The following RPS6KC1 variants were observed in gnomAD, a reference collection of about 807,000 sequenced individuals.
RPS6KC1 encodes the protein inactive ribosomal protein S6 kinase delta-1.
Under a neutral mutation model 103.8 loss-of-function variants are expected in RPS6KC1, and 54 were observed. The ratio of observed to expected loss-of-function variants is 0.52; its 90% CI spans 0.42 to 0.65. RPS6KC1 has a LOEUF of 0.65. Among genes scored for constraint, RPS6KC1 ranks in the 30% least tolerant of loss-of-function variants. The pLI is 0.00. For missense variants in RPS6KC1, 1,151 were observed against 1,253.8 expected (o/e 0.92, Z 1.24); for synonymous variants, 439 against 438.7 (o/e 1.00, Z -0.01).
intron 6 of RPS6KC1, among the ~76,000 whole-genome samples, chr1:213,146,877 G>T (rs2147836268): frequency 6.6e-6 from 1 of 151,176 alleles, no homozygotes; most frequent in Middle Eastern, 3.4e-3. Context: ...CCCGTCTTTT[G>T]GATATAAGCC....
At chr1:213,208,081 G>A (rs141249069) in intron 8 of RPS6KC1, among the ~76,000 whole-genome samples, 61 of 152,246 alleles carry the variant, frequency 4.0e-4, no homozygotes, top group Non-Finnish European at 6.9e-4. Context: ...GCTCTTGTAT[G>A]TTACTTTTTC....
chr1:213,212,030 C>A (rs1268467996), intron 8 of RPS6KC1, among the ~76,000 whole-genome samples: 4 of 152,124 alleles, frequency 2.6e-5, no homozygotes, highest in African/African-American at 9.7e-5. Context: ...TTGTCAACAA[C>A]CCCCACCAGA....
chr1:213,594,278 A>G, the RPS6KC1 span, among the ~76,000 whole-genome samples: 280 of 152,352 alleles, frequency 1.8e-3, no homozygotes, highest in Non-Finnish European at 3.2e-3. Flanking sequence ...GAGATATGCT[A>G]TGTCTGTAAA....
chr1:213,136,934 T>TC (rs2086335325), intron 6 of RPS6KC1, among the ~76,000 whole-genome samples: 1 of 152,186 alleles, frequency 6.6e-6, no homozygotes, highest in South Asian at 2.1e-4. Context: ...TCTCAGGCAG[T>TC]CCTCCTGCCT....
At chr1:213,566,475 T>G in the RPS6KC1 span, among the ~76,000 whole-genome samples, 1 of 83,982 alleles carries the variant, frequency 1.2e-5, no homozygotes, top group South Asian at 4.2e-4. Context: ...TTTTTTTTTT[T>G]TTTTTTTTTT....
In RPS6KC1 at chr1:213,165,085, T is replaced by A. The variant is rs543996142; in HGVS notation, c.836-2773T>A. On this transcript the variant is annotated intron_variant, in intron 6 of 14. Transcript: ENST00000366960. ...AATATCCTGGAAATCTATAGAGTCA[T>A]CTTTTTTTTTTTCTGGTACTGACAA... 7.9e-5 allele frequency among the ~76,000 whole-genome samples: 12 copies of A among 152,134 alleles called. No homozygotes were observed. The South Asian group carries it at 2.1e-3, about 26-fold the overall frequency.
At chr1:213,784,975 TA>T in the RPS6KC1 span, among the ~76,000 whole-genome samples, 10 of 151,100 alleles carry the variant, frequency 6.6e-5, no homozygotes, top group South Asian at 2.1e-4. Context: ...TTTTCAGAAG[TA>T]AAAAAAAATG....
chr1:213,596,235 C>T, the RPS6KC1 span, among the ~76,000 whole-genome samples: 26 of 152,274 alleles, frequency 1.7e-4, 1 homozygote, highest in East Asian at 4.6e-3. Flanking sequence ...TTTTCTGTCC[C>T]TCTTTGGTCA....
intron 8 of RPS6KC1, among the ~76,000 whole-genome samples, chr1:213,228,004 A>G (rs2093999169): frequency 6.6e-6 from 1 of 152,190 alleles, no homozygotes; most frequent in African/African-American, 2.4e-5. Context: ...GGGTATGAAC[A>G]TCTTTGGGGC....
the RPS6KC1 span, among the ~76,000 whole-genome samples, chr1:213,672,832 C>T: frequency 0.34 from 52,388 of 152,034 alleles, 9,461 homozygotes; most frequent in East Asian, 0.57. Context: ...GTCATCTCAT[C>T]CCTGTACGTT....
At chr1:213,857,753 C>T in the RPS6KC1 span, among the ~76,000 whole-genome samples, 1 of 152,226 alleles carries the variant, frequency 6.6e-6, no homozygotes, top group Non-Finnish European at 1.5e-5. Flanking sequence ...CACTACACAG[C>T]AGGACGTCCT....
chr1:213,796,129 C>T, the RPS6KC1 span, among the ~76,000 whole-genome samples: 1 of 152,192 alleles, frequency 6.6e-6, no homozygotes, highest in Non-Finnish European at 1.5e-5. Context: ...AAACATGCCC[C>T]CTCCAAAGGG....
the RPS6KC1 span, among the ~76,000 whole-genome samples, chr1:213,333,889 C>G: frequency 1.3e-5 from 2 of 152,146 alleles, no homozygotes; most frequent in African/African-American, 4.8e-5. Context: ...ACAATGTTGG[C>G]CAGGCTGATC....
chr1:213,574,587 G>A, the RPS6KC1 span, among the ~76,000 whole-genome samples: 15 of 152,150 alleles, frequency 9.9e-5, no homozygotes, highest in South Asian at 6.2e-4. Context: ...GAATTCTTAC[G>A]TGAAACATTT....
At chr1:213,822,190 T>C in the RPS6KC1 span, 1 of 152,206 alleles carries the variant, frequency 6.6e-6, no homozygotes, top group African/African-American at 2.4e-5. Flanking sequence ...TTGTCTGTCC[T>C]TCTGGAAGCC....
At chr1:213,664,947 C>G in the RPS6KC1 span, among the ~76,000 whole-genome samples, 13 of 152,062 alleles carry the variant, frequency 8.5e-5, no homozygotes, top group African/African-American at 2.7e-4. Context: ...AAAATGAATA[C>G]TTTGGTAAAC....
chr1:213,092,505 A>G (rs1295800084), intron 3 of RPS6KC1, among the ~76,000 whole-genome samples: 1 of 88,230 alleles, frequency 1.1e-5, no homozygotes, highest in Non-Finnish European at 2.2e-5. Context: ...CCCCGTCTCT[A>G]CTAAAAATAC....
At chr1:213,062,768 G>A (rs957785662) in intron 1 of RPS6KC1, among the ~76,000 whole-genome samples, 1 of 152,136 alleles carries the variant, frequency 6.6e-6, no homozygotes, top group Non-Finnish European at 1.5e-5. Flanking sequence ...TGTTGGCCAG[G>A]ATGGTCTCAT....
the RPS6KC1 span, among the ~76,000 whole-genome samples, chr1:213,782,027 G>A: frequency 6.6e-6 from 1 of 152,142 alleles, no homozygotes; most frequent in Admixed American, 6.5e-5. Flanking sequence ...TTTTCGAGGA[G>A]TGCCTTATCA....
Sources: gnomAD v4.1 joint callset for allele counts (sites outside exome capture counted in the v4.1 genomes callset) on GRCh38, gnomAD v4.1.1 for gene constraint, MANE v1.5 for transcripts, NCBI Gene and HGNC (gene_info 2026-07-23, HGNC 2026-07-21) for gene names.